The following LRBA variants were observed in gnomAD, a reference collection of about 807,000 sequenced individuals.
LRBA encodes lipopolysaccharide-responsive and beige-like anchor protein.
A neutral mutation model predicts 330.0 loss-of-function variants in LRBA; 176 were observed. The observed-to-expected ratio is 0.53, with a 90% CI of 0.47 to 0.60. The LOEUF (loss-of-function observed/expected upper bound fraction) is 0.60, where lower values mean the gene tolerates loss of function less well. Ranked by LOEUF, LRBA falls within the 20% of genes least tolerant of loss-of-function variation. The pLI is 0.00. For synonymous variants in LRBA, 1,230 were observed against 1,193.0 expected (o/e 1.03, Z -0.64); for missense variants, 3,259 against 3,444.8 (o/e 0.95, Z 1.35).
Position 150,828,484 on chromosome 4 carries a change from G to A in LRBA, c.4867C>T (p.Pro1623Ser). The change falls in exon 30 of 57, where the codon CCT becomes TCT. Residue 1623 changes from proline to serine, a missense_variant. Pro to Ser is a moderately conservative substitution (Grantham distance 74). Transcript: ENST00000651943. Reference sequence around the variant, plus strand: ...CTGACACCAGGAGGTGCTGTGTGAGGAGTTACTTCCACATGGCTTCCTAAA... The same window carrying A: ...CTGACACCAGGAGGTGCTGTGTGAGAAGTTACTTCCACATGGCTTCCTAAA... ...TGLGSHVEVT[P>S]HTAPPGVSAG... 1 of 1,614,076 alleles carries A rather than the reference G, an allele frequency of 6.2e-7. No individual in the cohort carries two copies. Among genetic ancestry groups the A allele is most frequent in the Non-Finnish European group, 8.5e-7 (1 of 1,179,998 alleles).
At chr4:150,336,416 T>C (rs779910551) in intron 48 of LRBA, among the ~76,000 whole-genome samples, 8 of 152,184 alleles carry the variant, frequency 5.3e-5, no homozygotes, top group Non-Finnish European at 8.8e-5. Flanking sequence ...AAGTAAATAA[T>C]GTGTTTTCCT....
intron 40 of LRBA, among the ~76,000 whole-genome samples, chr4:150,569,573 C>G (rs1391497164): frequency 1.3e-5 from 2 of 152,110 alleles, no homozygotes; most frequent in Admixed American, 6.6e-5. Flanking sequence ...TATAACTGTA[C>G]AGCAGAGACT....
chr4:150,415,269 C>T (rs937388036), intron 47 of LRBA, among the ~76,000 whole-genome samples, 169 bp downstream of exon 47: 1 of 152,168 alleles, frequency 6.6e-6, no homozygotes, highest in Non-Finnish European at 1.5e-5. Context: ...AATTCAATAA[C>T]ATTTCATAAA....
intron 2 of LRBA, among the ~76,000 whole-genome samples, chr4:150,976,525 AAT>A (rs1347732010): frequency 6.6e-6 from 1 of 152,222 alleles, no homozygotes; most frequent in African/African-American, 2.4e-5. Flanking sequence ...TATTTAATCT[AAT>A]ATGTTATATA....
chr4:150,604,195 G>C (rs1027673883), intron 37 of LRBA, among the ~76,000 whole-genome samples: 3 of 151,958 alleles, frequency 2.0e-5, no homozygotes, highest in Non-Finnish European at 4.4e-5. Context: ...AACTGCTTGA[G>C]GTCAGGAGTT....
chr4:150,782,035 T>C (rs1738315582), intron 34 of LRBA, among the ~76,000 whole-genome samples: 1 of 152,138 alleles, frequency 6.6e-6, no homozygotes, highest in African/African-American at 2.4e-5. Context: ...AGCATCCCAG[T>C]AGCTAGGACT....
At chr4:150,437,325 A>G (rs1283643737) in intron 44 of LRBA, among the ~76,000 whole-genome samples, 1 of 151,994 alleles carries the variant, frequency 6.6e-6, no homozygotes, top group Non-Finnish European at 1.5e-5. Flanking sequence ...ATGGAGCACA[A>G]AGGAAGAAAG....
intron 50 of LRBA, among the ~76,000 whole-genome samples, chr4:150,318,057 C>G (rs953983047): frequency 6.6e-6 from 1 of 152,044 alleles, no homozygotes; most frequent in Non-Finnish European, 1.5e-5. Context: ...GACACTGAGC[C>G]CAGGGAGCTC....
chr4:150,573,248 G>A (rs1488386487), intron 40 of LRBA, among the ~76,000 whole-genome samples: 1 of 152,136 alleles, frequency 6.6e-6, no homozygotes, highest in African/African-American at 2.4e-5. Context: ...TATCAGTAGG[G>A]GCAAGCCCTG....
At chr4:150,435,824 A>G (rs1241232668) in intron 45 of LRBA, 116 bp from the exon 46 acceptor site, 6 of 590,892 alleles carry the variant, frequency 1.0e-5, no homozygotes, top group Non-Finnish European at 1.7e-5. Context: ...AGTAATATAA[A>G]CTAGGTATAT....
chr4:150,563,666 G>A (rs1768697674), intron 40 of LRBA, among the ~76,000 whole-genome samples: 1 of 152,170 alleles, frequency 6.6e-6, no homozygotes, highest in Non-Finnish European at 1.5e-5. Flanking sequence ...TCCTTAAGCT[G>A]ATAACCAACT....
chr4:150,934,639 A>C (rs1383550033), intron 2 of LRBA, among the ~76,000 whole-genome samples: 3 of 152,162 alleles, frequency 2.0e-5, no homozygotes, highest in African/African-American at 7.2e-5. Context: ...TGGGAGGCAA[A>C]GGTGGGTGGA....
rs755448994 is a variant in LRBA, at chr4:150,908,327, C to T, written c.1493+7G>A. 1 of 1,603,460 alleles carries T rather than the reference C, an allele frequency of 6.2e-7. No homozygotes were observed. The highest frequency in any genetic ancestry group is 8.5e-7 in the Non-Finnish European group (1 of 1,177,522). On this transcript the variant is annotated splice_region_variant and intron_variant, in intron 11 of 56. Transcript: ENST00000651943. ...AGCCAATTAAAGAAACAAATAAAGG[C>T]ACTCACCATATAGTCAAATCAATCT...
At chr4:150,999,634 G>A (rs2149647313) in intron 2 of LRBA, among the ~76,000 whole-genome samples, 1 of 151,290 alleles carries the variant, frequency 6.6e-6, no homozygotes, top group South Asian at 2.1e-4. Flanking sequence ...GTAAAATTCT[G>A]CTATTCACAT....
chr4:150,380,188 A>AC (rs1389603516), intron 47 of LRBA, among the ~76,000 whole-genome samples: 2 of 149,616 alleles, frequency 1.3e-5, no homozygotes, highest in Non-Finnish European at 3.0e-5. Flanking sequence ...TCAAAAAAAC[A>AC]AAACAAAACA....
chr4:150,590,627 C>T, intron 39 of LRBA, 86 bp downstream of exon 39: 1 of 1,193,044 alleles, frequency 8.4e-7, no homozygotes, highest in East Asian at 2.4e-5. Flanking sequence ...ACTTGGTAGT[C>T]CTAGTGGTCA....
At chr4:150,704,347 A>T (rs1785405669) in intron 36 of LRBA, among the ~76,000 whole-genome samples, 1 of 151,988 alleles carries the variant, frequency 6.6e-6, no homozygotes, top group East Asian at 1.9e-4. Context: ...AAGATACTGG[A>T]GAAGGTTCTC....
Position 150,596,898 on chromosome 4 carries a change from GTGT to G in LRBA, c.6046+2106_6046+2108del, listed in dbSNP as rs567719819. Among the ~76,000 whole-genome samples, 213 of 151,356 alleles carry G rather than the reference GTGT, an allele frequency of 1.4e-3. 1 individual carries two copies. The highest frequency in any genetic ancestry group is 2.0e-3 in the Admixed American group (31 of 15,250). Reference sequence around the variant, plus strand: ...TAAATATGAGGTAGGATTAGAATTTGTGTTTTTTTAAAAAATGTTATAGTAAAT... The same window carrying G: ...TAAATATGAGGTAGGATTAGAATTTGTTTTTTAAAAAATGTTATAGTAAAT... On this transcript the variant is annotated intron_variant, in intron 38 of 56. Coordinates refer to ENST00000651943, the MANE Select transcript of LRBA (RefSeq NM_001364905.1).
chr4:150,536,895 G>T (rs535648732), intron 40 of LRBA, among the ~76,000 whole-genome samples: 92 of 152,212 alleles, frequency 6.0e-4, no homozygotes, highest in Non-Finnish European at 1.0e-3. Flanking sequence ...TCATTAAAAT[G>T]GCCATACTAC....
Sources: allele counts gnomAD v4.1 joint callset (sites outside exome capture counted in the v4.1 genomes callset), GRCh38; gene constraint gnomAD v4.1.1; transcripts MANE v1.5; gene names NCBI Gene and HGNC (gene_info 2026-07-23, HGNC 2026-07-21).